The following TRPC6 variants were observed in gnomAD, a reference collection of about 807,000 sequenced individuals.
The protein encoded by TRPC6 is short transient receptor potential channel 6.
In TRPC6, 55 loss-of-function variants were observed where a neutral mutation model predicts 90.7. The ratio of observed to expected loss-of-function variants is 0.61; its 90% confidence interval spans 0.49 to 0.76. TRPC6 has a LOEUF of 0.76. Among genes scored for constraint, TRPC6 ranks in the 30% least tolerant of loss-of-function variants. The pLI is 0.00. For synonymous variants in TRPC6, 393 were observed against 393.0 expected, an observed-to-expected ratio of 1.00 and a Z score of 0.00; for missense variants, 989 against 1,122.7, an observed-to-expected ratio of 0.88 and a Z score of 1.70.
At chr11:101,531,740 G>T (rs1438096379) in intron 1 of TRPC6, among the ~76,000 whole-genome samples, 1 of 152,136 alleles carries the variant, frequency 6.6e-6, no homozygotes, top group Non-Finnish European at 1.5e-5. Context: ...CACATCCATT[G>T]TTCCCACTTC....
intron 1 of TRPC6, among the ~76,000 whole-genome samples, chr11:101,580,108 T>C (rs913946784): frequency 1.3e-5 from 2 of 152,156 alleles, no homozygotes; most frequent in Non-Finnish European, 2.9e-5. Context: ...TGCCAGTGCT[T>C]TAGTTTACAG....
At chr11:101,564,559 A>G (rs1861787480) in intron 1 of TRPC6, among the ~76,000 whole-genome samples, 1 of 152,086 alleles carries the variant, frequency 6.6e-6, no homozygotes. Context: ...CTTCCAATAT[A>G]AAAGAAATTG....
chr11:101,505,197 A>T (rs1015339551), intron 1 of TRPC6, among the ~76,000 whole-genome samples: 1 of 152,214 alleles, frequency 6.6e-6, no homozygotes, highest in Non-Finnish European at 1.5e-5. Context: ...GACAATAGCA[A>T]ATCCACTCAA....
rs763686381 is a variant in TRPC6 at position 101,473,649 on chromosome 11, C to T, written c.1869G>A (p.Leu623=). The T allele has an allele frequency of 1.2e-6, 2 of 1,613,644 alleles. No homozygotes were observed. Among genetic ancestry groups the T allele is most frequent in the South Asian group, 1.1e-5 (1 of 91,080 alleles). The part of the protein sequence containing the change: ...ILPANESFGP[L]QISLGRTVKD... ...TGACTGTTCTTCCAAGTGATATCTG[C>T]AGAGGTCCAAAGCTTTCATTTGCTG... Residue 623 remains leucine (L), a synonymous_variant, in exon 7 of 13, where the codon CTG becomes CTA. Transcript: ENST00000344327.
At chr11:101,540,723 G>T (rs1374857362) in intron 1 of TRPC6, among the ~76,000 whole-genome samples, 2 of 152,178 alleles carry the variant, frequency 1.3e-5, no homozygotes, top group African/African-American at 4.8e-5. Context: ...CTGAAATACT[G>T]AAACAATTTG....
intron 1 of TRPC6, among the ~76,000 whole-genome samples, chr11:101,562,283 T>G (rs1004284420): frequency 6.6e-6 from 1 of 152,120 alleles, no homozygotes; most frequent in African/African-American, 2.4e-5. Flanking sequence ...GGGAAATAAC[T>G]CAATTTCAGT....
At chr11:101,491,385 G>A in intron 3 of TRPC6, 171 bp downstream of exon 3, 1 of 740,190 alleles carries the variant, frequency 1.4e-6, no homozygotes, top group Admixed American at 2.6e-5. Flanking sequence ...AGTGAGCCGA[G>A]ATCGCACCAC....
At position 101,555,858 on chromosome 11, in the gene TRPC6, C is replaced by A. The variant is rs145505510; in HGVS notation, c.170+27476G>T. On this transcript the variant is annotated intron_variant, in intron 1 of 12. Coordinates refer to ENST00000344327, the MANE Select transcript of TRPC6 (RefSeq NM_004621.6). ...TCAAGACAGATCACTTGTTAGGGCACGAAATACACCTCAGCAAATTTCAAA... is the reference window on the plus strand; with the variant it reads ...TCAAGACAGATCACTTGTTAGGGCAAGAAATACACCTCAGCAAATTTCAAA... Among the ~76,000 whole-genome samples the A allele has an allele frequency of 2.7e-3, 403 of 152,044 alleles. 4 individuals are homozygous for A. The highest frequency in any genetic ancestry group is 9.2e-3 in the African/African-American group (380 of 41,484).
chr11:101,471,310 G>A lies in TRPC6; in HGVS notation c.2282C>T (p.Pro761Leu), dbSNP rs1308467364. 1.2e-6 allele frequency: 2 copies of A among 1,613,980 alleles called. No homozygotes were observed. The highest frequency in any genetic ancestry group is 2.2e-5 in the South Asian group (2 of 91,072). The change falls in exon 9 of 13, where the codon CCT (proline) becomes CTT (leucine). Residue 761 changes from proline to leucine, a missense_variant. Pro to Leu is a moderately conservative substitution (Grantham distance 98). Around this residue, in one of 4 missense-constraint regions of TRPC6, gnomAD observed 191 missense variants for 196.7 expected, o/e 0.97. Transcript: ENST00000344327. ...FSYFEEGRTLPVPFNLVPSPK... is the reference protein window; with the variant it reads ...FSYFEEGRTLLVPFNLVPSPK... ...ACTCGGCACCAGATTGAAGGGTACA[G>A]GAAGTGTTCTGCCCTCCTCAAAGTA...
rs191901062 is a variant in TRPC6 at position 101,525,129 on chromosome 11, A to G, written c.171-20331T>C. On this transcript the variant is annotated intron_variant, in intron 1 of 12. Coordinates refer to ENST00000344327, the MANE Select transcript of TRPC6 (RefSeq NM_004621.6). ...TGGAAGAAACAATTAAACAAAATGA[A>G]AAGTATCAAAGTACTATTGTTTTGG... 1.4e-3 allele frequency among the ~76,000 whole-genome samples: 211 copies of G among 152,360 alleles called. 2 individuals carry two copies. Among genetic ancestry groups the G allele is most frequent in the African/African-American group, 4.7e-3 (196 of 41,592 alleles).
chr11:101,468,170 C>T (rs1003255505), intron 10 of TRPC6, among the ~76,000 whole-genome samples: 2 of 152,134 alleles, frequency 1.3e-5, no homozygotes, highest in Admixed American at 6.5e-5. Context: ...GCACAGGTCT[C>T]TCATCCACAT....
chr11:101,581,828 G>C (rs1236217872), intron 1 of TRPC6, among the ~76,000 whole-genome samples: 2 of 152,136 alleles, frequency 1.3e-5, no homozygotes, highest in Non-Finnish European at 2.9e-5. Flanking sequence ...GGAGAATCTT[G>C]GGCTGTACCT....
At chr11:101,509,314 G>T (rs35726615) in intron 1 of TRPC6, among the ~76,000 whole-genome samples, 1 of 151,662 alleles carries the variant, frequency 6.6e-6, no homozygotes. Context: ...GCCCAGGCTG[G>T]TATCAAACTC....
intron 1 of TRPC6, among the ~76,000 whole-genome samples, chr11:101,505,807 A>G (rs6590872): frequency 0.46 from 69,825 of 151,770 alleles, 16,470 homozygotes; most frequent in African/African-American, 0.55. Context: ...TTGCCCAGGA[A>G]GTCAAGACTA....
rs139923780 is a variant in TRPC6, at chr11:101,507,372, G to A, written c.171-2574C>T. On this transcript the variant is annotated intron_variant, in intron 1 of 12. Transcript: ENST00000344327. ...TTGGAAAATCTAGACAGCAGTTGCTGTCTAGACTTGATGCATGTATGTTCT... is the reference window on the plus strand; with the variant it reads ...TTGGAAAATCTAGACAGCAGTTGCTATCTAGACTTGATGCATGTATGTTCT... Among the ~76,000 whole-genome samples, 3 of 150,878 alleles carry A rather than the reference G, an allele frequency of 2.0e-5. No homozygotes were observed. In the East Asian group the frequency reaches 5.9e-4, roughly 30 times the overall value.
intron 10 of TRPC6, among the ~76,000 whole-genome samples, chr11:101,468,961 A>G (rs1859218770): frequency 6.6e-6 from 1 of 152,192 alleles, no homozygotes; most frequent in Non-Finnish European, 1.5e-5. Context: ...GAAGGAGCTG[A>G]TAGATCTCTA....
chr11:101,482,446 C>A (rs948867698), intron 5 of TRPC6, among the ~76,000 whole-genome samples: 1 of 152,104 alleles, frequency 6.6e-6, no homozygotes. Flanking sequence ...TTAGATAAAT[C>A]CTATAAAATA....
At position 101,457,270 on chromosome 11, in the gene TRPC6, C is replaced by A. The variant is rs558706122; in HGVS notation, c.2485-2169G>T. ...AACACTCTCTCCAATTCTGAATGAACCACTGCCTGCCCCCTTTGTTAATAC... is the reference window on the plus strand; with the variant it reads ...AACACTCTCTCCAATTCTGAATGAAACACTGCCTGCCCCCTTTGTTAATAC... On this transcript the variant is annotated intron_variant, in intron 10 of 12. Transcript: ENST00000344327. 3.6e-4 allele frequency among the ~76,000 whole-genome samples: 55 copies of A among 152,242 alleles called. No individual in the cohort carries two copies. The South Asian group carries it at 0.011, about 30-fold the overall frequency.
At chr11:101,471,064 G>T in intron 9 of TRPC6, 119 bp downstream of exon 9, 1 of 926,982 alleles carries the variant, frequency 1.1e-6, no homozygotes, top group Non-Finnish European at 1.7e-6. Flanking sequence ...TGAAGTGACT[G>T]CATATGGGAA....
Sources: allele counts gnomAD v4.1 joint callset (sites outside exome capture counted in the v4.1 genomes callset), GRCh38; gene constraint gnomAD v4.1.1; regional missense constraint gnomAD v4.1.1; transcripts MANE v1.5; gene names NCBI Gene and HGNC (gene_info 2026-07-23, HGNC 2026-07-21).